DLC1: variants seen among roughly 807,000 people sequenced by gnomAD.
DLC1 encodes rho GTPase-activating protein 7.
Under a neutral mutation model 140.3 loss-of-function variants are expected in DLC1, and 54 were observed. The ratio of observed to expected loss-of-function variants is 0.38; its 90% CI spans 0.31 to 0.48. The LOEUF (loss-of-function observed/expected upper bound fraction) is 0.48. DLC1 is among the 20% of genes least tolerant of loss of function. DLC1 has a pLI of 0.96. For synonymous variants in DLC1, 986 were observed against 728.1 expected (o/e 1.35, Z -5.70); for missense variants, 2,536 against 1,907.0 (o/e 1.33, Z -6.14).
At chr8:13,343,065 C>T (rs181671331) in intron 4 of DLC1, among the ~76,000 whole-genome samples, 29 of 152,266 alleles carry the variant, frequency 1.9e-4, no homozygotes, top group Non-Finnish European at 3.8e-4. Flanking sequence ...TATTGAAAAG[C>T]AGAGATACTT....
At chr8:13,503,831 A>G (rs557177771) in intron 1 of DLC1, among the ~76,000 whole-genome samples, 4 of 152,330 alleles carry the variant, frequency 2.6e-5, no homozygotes, top group Admixed American at 2.6e-4. Context: ...GTAGACAAGG[A>G]TAATAGTTAC....
At chr8:13,446,312 T>TG (rs1798774548) in intron 2 of DLC1, among the ~76,000 whole-genome samples, 1 of 152,234 alleles carries the variant, frequency 6.6e-6, no homozygotes, top group South Asian at 2.1e-4. Context: ...TATACTACTT[T>TG]GGGGCATTTA....
chr8:13,302,511 G>A (rs931439713), intron 5 of DLC1, among the ~76,000 whole-genome samples: 3 of 152,068 alleles, frequency 2.0e-5, no homozygotes, highest in African/African-American at 4.8e-5. Context: ...CAGAATAGAA[G>A]ATAGCTACTT....
At chr8:13,517,167 A>G (rs1023195531), upstream of DLC1, among the ~76,000 whole-genome samples, 1 of 152,170 alleles carries the variant, frequency 6.6e-6, no homozygotes, top group Non-Finnish European at 1.5e-5. Flanking sequence ...TGTCTTTCCT[A>G]ATATAACTTG....
chr8:13,447,568 A>G lies in DLC1; in HGVS notation c.1024-45949T>C, dbSNP rs117056195. ...CTTATCTACATCTCAATACTATTTT[A>G]GAAAAGAAAAAAACGTTCATTAGAT... On this transcript the variant is annotated intron_variant, in intron 2 of 17. Transcript: ENST00000276297. Among the ~76,000 whole-genome samples, 497 of 152,342 alleles carry G rather than the reference A, an allele frequency of 3.3e-3. 11 individuals are homozygous for G. In the South Asian group the frequency reaches 0.061, roughly 19 times the overall value.
chr8:13,298,633 A>C (rs576289393), intron 5 of DLC1, among the ~76,000 whole-genome samples: 18 of 152,346 alleles, frequency 1.2e-4, no homozygotes, highest in African/African-American at 4.3e-4. Context: ...GTAGCTTTTT[A>C]GGAGCACAGA....
At chr8:13,549,930 G>A (rs1481932585) in intron 1 of DLC1, among the ~76,000 whole-genome samples, 1 of 152,126 alleles carries the variant, frequency 6.6e-6, no homozygotes, top group Non-Finnish European at 1.5e-5. Context: ...TGAATAGGCA[G>A]AAACAGTTAA....
intron 5 of DLC1, among the ~76,000 whole-genome samples, chr8:13,280,104 C>T (rs1349157828): frequency 2.0e-5 from 3 of 150,162 alleles, no homozygotes; most frequent in Admixed American, 1.3e-4. Flanking sequence ...ACAGTGAAAC[C>T]CCCGTCTCTA....
chr8:13,499,992 C>G lies in DLC1; in HGVS notation c.80G>C (p.Arg27Pro), dbSNP rs11990333. ...TAGTCCATGATGACATGCTGTGTTA[C>G]GATCATCAGAATTAAAAGGCTGTCC... is the stretch of plus-strand genomic sequence containing the variant. ...WMGQPFNSDD[R>P]NTACHHGLVA... The change falls in exon 2 of 18, where the codon CGT (arginine) becomes CCT (proline). Residue 27 changes from arginine (R) to proline (P), a missense_variant. By Grantham distance (103) the Arg-to-Pro change is moderately radical. Coordinates refer to ENST00000276297, the MANE Select transcript of DLC1 (RefSeq NM_182643.3). 7.4e-6 allele frequency: 12 copies of G among 1,614,054 alleles called. No individual in the cohort carries two copies. The highest frequency in any genetic ancestry group is 1.7e-5 in the Admixed American group (1 of 60,008).
At chr8:13,291,924 G>A (rs1236762736) in intron 5 of DLC1, among the ~76,000 whole-genome samples, 1 of 151,850 alleles carries the variant, frequency 6.6e-6, no homozygotes. Context: ...CTACACATTA[G>A]TGCTGTTATT....
At chr8:13,120,356 A>AAAAAAAAAAAAAAAAATAT in intron 5 of DLC1, among the ~76,000 whole-genome samples, 8 of 61,124 alleles carry the variant, frequency 1.3e-4, no homozygotes, top group African/African-American at 3.3e-4. Context: ...AAAAAAAAAA[A>AAAAAAAAAAAAAAAAATAT]ATATATATAT....
At chr8:13,271,086 G>A (rs1830914339) in intron 5 of DLC1, among the ~76,000 whole-genome samples, 1 of 152,134 alleles carries the variant, frequency 6.6e-6, no homozygotes, top group African/African-American at 2.4e-5. Flanking sequence ...AGCCACCCTT[G>A]ACATCAACAT....
At chr8:13,317,817 A>T (rs765423334) in intron 4 of DLC1, among the ~76,000 whole-genome samples, 1 of 152,096 alleles carries the variant, frequency 6.6e-6, no homozygotes, top group Non-Finnish European at 1.5e-5. Context: ...AAGTCAGAGA[A>T]ATAAGTTGTA....
intron 1 of DLC1, among the ~76,000 whole-genome samples, chr8:13,581,853 G>A (rs929853175): frequency 6.6e-6 from 1 of 151,950 alleles, no homozygotes; most frequent in African/African-American, 2.4e-5. Flanking sequence ...TTTCGGTTTT[G>A]TTTTCCTATC....
chr8:13,260,937 A>T (rs1830448402), intron 5 of DLC1, among the ~76,000 whole-genome samples: 1 of 152,196 alleles, frequency 6.6e-6, no homozygotes, highest in Non-Finnish European at 1.5e-5. Context: ...TTTACCATAT[A>T]ATGTTAATAT....
At chr8:13,545,743 A>C (rs542861328) in intron 1 of DLC1, among the ~76,000 whole-genome samples, 66 of 152,224 alleles carry the variant, frequency 4.3e-4, no homozygotes, top group African/African-American at 1.6e-3. Flanking sequence ...TAAATGACAT[A>C]GTTGAAAAAA....
intron 7 of DLC1, among the ~76,000 whole-genome samples, chr8:13,103,604 C>T (rs1038084017): frequency 7.9e-5 from 12 of 151,834 alleles, no homozygotes; most frequent in African/African-American, 2.4e-4. Flanking sequence ...TTTGGGAGGC[C>T]GAGGCAGGCA....
At chr8:13,230,621 G>A (rs1829003853) in intron 5 of DLC1, among the ~76,000 whole-genome samples, 2 of 147,614 alleles carry the variant, frequency 1.4e-5, no homozygotes, top group Admixed American at 1.4e-4. Flanking sequence ...TTTGGAGATG[G>A]GGTCTCACTC....
At chr8:13,231,571 T>C (rs1464628001) in intron 5 of DLC1, among the ~76,000 whole-genome samples, 1 of 152,238 alleles carries the variant, frequency 6.6e-6, no homozygotes, top group Non-Finnish European at 1.5e-5. Context: ...AGAGTTGAAC[T>C]TTTCTTTCAT....
Sources: gnomAD v4.1 joint callset for allele counts (sites outside exome capture counted in the v4.1 genomes callset) on GRCh38, gnomAD v4.1.1 for gene constraint, MANE v1.5 for transcripts, NCBI Gene and HGNC (gene_info 2026-07-23, HGNC 2026-07-21) for gene names.